Variants in DSCAM observed in about 807,000 individuals in gnomAD.
The protein encoded by DSCAM is cell adhesion molecule DSCAM.
Under a neutral mutation model 217.7 loss-of-function variants are expected in DSCAM, and 47 were observed. The ratio of observed to expected loss-of-function variants is 0.22; its 90% CI spans 0.17 to 0.28. The LOEUF is 0.28. Ranked by LOEUF, DSCAM falls within the 10% of genes least tolerant of loss-of-function variation. The probability of loss-of-function intolerance (pLI) is 1.00; values close to 1 mark genes in which losing one functional copy is unlikely to be tolerated. For missense variants in DSCAM, 2,080 were observed against 2,618.3 expected (o/e 0.79, Z 4.49); for synonymous variants, 1,056 against 1,015.3 (o/e 1.04, Z -0.76).
At chr21:40,320,812 C>T (rs145219457) in intron 8 of DSCAM, among the ~76,000 whole-genome samples, 137 of 152,272 alleles carry the variant, frequency 9.0e-4, no homozygotes, top group African/African-American at 3.2e-3. Context: ...TATCTCCCAC[C>T]AGATCCCTCC....
intron 1 of DSCAM, among the ~76,000 whole-genome samples, chr21:40,736,525 A>C (rs2091064861): frequency 6.6e-6 from 1 of 152,140 alleles, no homozygotes; most frequent in African/African-American, 2.4e-5. Context: ...CACAGGGTTG[A>C]TTTCTTCTGA....
chr21:40,025,524 T>TATTG (rs1186275320), intron 32 of DSCAM, among the ~76,000 whole-genome samples: 2 of 150,174 alleles, frequency 1.3e-5, no homozygotes, highest in Admixed American at 1.3e-4. Context: ...GTTGGTAAGC[T>TATTG]ATTGATTGTT....
chr21:40,127,397 C>A (rs755162452), intron 19 of DSCAM, among the ~76,000 whole-genome samples: 2 of 152,160 alleles, frequency 1.3e-5, no homozygotes, highest in Non-Finnish European at 2.9e-5. Context: ...TTCTTAGTGA[C>A]CACATTCCAT....
At chr21:40,460,904 C>G (rs562412213) in intron 3 of DSCAM, among the ~76,000 whole-genome samples, 3 of 152,284 alleles carry the variant, frequency 2.0e-5, no homozygotes, top group Non-Finnish European at 4.4e-5. Context: ...ACATCTATCA[C>G]ACGTTTAAAG....
intron 3 of DSCAM, among the ~76,000 whole-genome samples, chr21:40,616,715 C>T (rs1469512315): frequency 1.3e-5 from 2 of 151,976 alleles, no homozygotes; most frequent in Non-Finnish European, 2.9e-5. Context: ...TAGTGAGTCA[C>T]GGAACTTAAG....
At chr21:40,559,943 A>G (rs1361007356) in intron 3 of DSCAM, among the ~76,000 whole-genome samples, 7 of 151,296 alleles carry the variant, frequency 4.6e-5, no homozygotes, top group Non-Finnish European at 7.4e-5. Context: ...CAGGCGCCCA[A>G]CTACCATGCC....
intron 3 of DSCAM, among the ~76,000 whole-genome samples, chr21:40,672,097 T>G (rs776658431): frequency 6.6e-6 from 1 of 152,188 alleles, no homozygotes; most frequent in East Asian, 1.9e-4. Flanking sequence ...CTCCCACTTC[T>G]TATAAGGACA....
chr21:40,039,132 C>T (rs148389283), intron 32 of DSCAM, among the ~76,000 whole-genome samples: 2 of 151,444 alleles, frequency 1.3e-5, no homozygotes, highest in African/African-American at 4.9e-5. Flanking sequence ...CTAACCTGCA[C>T]AATATGCACA....
intron 1 of DSCAM, among the ~76,000 whole-genome samples, chr21:40,825,559 C>A (rs1268616886): frequency 2.6e-5 from 4 of 152,136 alleles, no homozygotes; most frequent in African/African-American, 9.7e-5. Context: ...CTTAGGCAAT[C>A]TGCCCACCTC....
chr21:40,624,678 T>G (rs1178594003), intron 3 of DSCAM, among the ~76,000 whole-genome samples: 1 of 152,138 alleles, frequency 6.6e-6, no homozygotes, highest in African/African-American at 2.4e-5. Flanking sequence ...CCAGAAGGGC[T>G]AAGAAAATTG....
chr21:40,155,387 C>T (rs1021777317), intron 16 of DSCAM, among the ~76,000 whole-genome samples: 1 of 152,190 alleles, frequency 6.6e-6, no homozygotes, highest in African/African-American at 2.4e-5. Context: ...AACTATTTAG[C>T]GGTGGCTGAG....
chr21:40,365,006 C>T (rs1436421825), intron 4 of DSCAM, among the ~76,000 whole-genome samples: 2 of 150,300 alleles, frequency 1.3e-5, no homozygotes, highest in Non-Finnish European at 3.0e-5. Flanking sequence ...TAAACATAAT[C>T]ACTTTTCACT....
intron 1 of DSCAM, among the ~76,000 whole-genome samples, chr21:40,756,976 C>CATGT (rs35592258): frequency 0.17 from 25,822 of 149,576 alleles, 2,427 homozygotes; most frequent in African/African-American, 0.25. Flanking sequence ...AACAAATGGT[C>CATGT]GTGTGTGTGT....
chr21:40,059,244 C>G (rs558930179), intron 28 of DSCAM, among the ~76,000 whole-genome samples: 15 of 152,320 alleles, frequency 9.8e-5, no homozygotes, highest in African/African-American at 3.6e-4. Context: ...TCTGCTTACA[C>G]CCAACTCACT....
intron 11 of DSCAM, among the ~76,000 whole-genome samples, chr21:40,196,874 G>A (rs1241234135): frequency 6.6e-6 from 1 of 152,168 alleles, no homozygotes; most frequent in Non-Finnish European, 1.5e-5. Flanking sequence ...CAAGACACAT[G>A]AGTACTATTT....
intron 1 of DSCAM, among the ~76,000 whole-genome samples, chr21:40,788,517 A>T (rs556749291): frequency 4.1e-4 from 63 of 152,272 alleles, no homozygotes; most frequent in South Asian, 6.2e-4. Context: ...TCTCTTATCC[A>T]TATAGGTCCC....
chr21:40,659,810 A>G (rs1471141139), intron 3 of DSCAM, among the ~76,000 whole-genome samples: 2 of 152,258 alleles, frequency 1.3e-5, no homozygotes, highest in Admixed American at 6.5e-5. Context: ...GCCTTCAAGC[A>G]ACATTTAAAG....
At chr21:40,501,768 T>C (rs1459397550) in intron 3 of DSCAM, among the ~76,000 whole-genome samples, 1 of 152,116 alleles carries the variant, frequency 6.6e-6, no homozygotes, top group Non-Finnish European at 1.5e-5. Context: ...ATTTTTGTAT[T>C]TTTAGTAGAG....
At chr21:40,482,109 T>G (rs2075988315) in intron 3 of DSCAM, among the ~76,000 whole-genome samples, 1 of 152,218 alleles carries the variant, frequency 6.6e-6, no homozygotes, top group Non-Finnish European at 1.5e-5. Flanking sequence ...TCTCATTTAT[T>G]TGTACATGAA....
Sources: gnomAD v4.1 joint callset for allele counts (sites outside exome capture counted in the v4.1 genomes callset) on GRCh38, gnomAD v4.1.1 for gene constraint, MANE v1.5 for transcripts, NCBI Gene and HGNC (gene_info 2026-07-23, HGNC 2026-07-21) for gene names.